SLC18A1: variants seen among roughly 807,000 people sequenced by gnomAD.
The protein encoded by SLC18A1 is solute carrier family 18 member A1, also known as chromaffin granule amine transporter.
SLC18A1 carries 69 observed loss-of-function variants against 53.7 expected under a neutral mutation model. The ratio of observed to expected loss-of-function variants is 1.28; its 90% CI spans 1.06 to 1.57. The LOEUF (loss-of-function observed/expected upper bound fraction) is 1.57, where lower values mean the gene tolerates loss of function less well. SLC18A1 is among the 40% of genes most tolerant of loss of function. The pLI is 0.00. For synonymous variants in SLC18A1, 320 were observed against 248.1 expected, an observed-to-expected ratio of 1.29 and a Z score of -2.72; for missense variants, 932 against 668.1, an observed-to-expected ratio of 1.40 and a Z score of -4.35.
intron 4 of SLC18A1, among the ~76,000 whole-genome samples, chr8:20,177,290 A>G (rs949568302): frequency 9.2e-5 from 14 of 152,208 alleles, no homozygotes; most frequent in Non-Finnish European, 1.8e-4. Context: ...AATGCAACAA[A>G]TTCTTGTTAA....
chr8:20,173,176 C>G (rs1233869705), intron 5 of SLC18A1, 48 bp from the exon 6 acceptor site: 1 of 1,426,698 alleles, frequency 7.0e-7, no homozygotes, highest in African/African-American at 1.4e-5. Flanking sequence ...GGGCTTCTAT[C>G]CGCCTCTCAG....
In SLC18A1 at chr8:20,181,087, A is replaced by T. The variant is rs1158686044; in HGVS notation, c.-123T>A. On this transcript the variant is annotated splice_region_variant and 5_prime_UTR_variant, in exon 2 of 16. It removes the in-frame stop codon of an upstream open reading frame in the 5' UTR. Transcript: ENST00000276373. ...GAGTCTGCCCAGACGAAGGAAACTC[A>T]CTATTAAAACGAAAAGTGCAAAGGG... is the stretch of plus-strand genomic sequence containing the variant. The T allele has an allele frequency of 5.8e-6, 7 of 1,200,444 alleles. 1 individual carries two copies. In the South Asian group the frequency reaches 1.1e-4, roughly 19 times the overall value. The allele number at this position is 1,200,444 out of a possible 1,614,324, so 74.4% of individuals were successfully genotyped here.
chr8:20,158,277 C>T (rs1229968404), intron 10 of SLC18A1, among the ~76,000 whole-genome samples: 3 of 152,230 alleles, frequency 2.0e-5, no homozygotes, highest in South Asian at 2.1e-4. Context: ...TCACTAGATA[C>T]TTCTCCCAGC....
intron 10 of SLC18A1, among the ~76,000 whole-genome samples, chr8:20,164,442 C>G (rs1057456099): frequency 1.6e-4 from 24 of 152,092 alleles, no homozygotes; most frequent in Non-Finnish European, 5.9e-5. Flanking sequence ...GTACAGGGTA[C>G]AAAGCATTTT....
chr8:20,151,949 A>AT, intron 10 of SLC18A1, among the ~76,000 whole-genome samples: 1 of 152,342 alleles, frequency 6.6e-6, no homozygotes, highest in Non-Finnish European at 1.5e-5. Flanking sequence ...TGAACAAGTA[A>AT]ACAAATACAC....
intron 10 of SLC18A1, among the ~76,000 whole-genome samples, chr8:20,162,392 C>A (rs1276789789): frequency 6.6e-6 from 1 of 152,206 alleles, no homozygotes; most frequent in Admixed American, 6.5e-5. Flanking sequence ...GATGCCTTTT[C>A]TTTCTTTCCA....
Position 20,173,050 on chromosome 8 carries a change from G to T in SLC18A1, c.710C>A (p.Ala237Asp). ...GTGCCACTTACCCAGCAACCCCAAG[G>T]CCAGGCCCCCCAGAGCAGTTCCCAT... is the stretch of plus-strand genomic sequence containing the variant. Reference protein sequence around the residue: ...RAMGTALGGLALGLLVGAPFG... With the variant: ...RAMGTALGGLDLGLLVGAPFG... The change falls in exon 6 of 16, where the codon GCC (alanine) becomes GAC (aspartate). Residue 237 changes from alanine to aspartate, a missense_variant. By Grantham distance (126) the Ala-to-Asp change is moderately radical (BLOSUM62 -2). Transcript: ENST00000276373. 6.3e-7 allele frequency: 1 copy of T among 1,588,874 alleles called. No homozygotes were observed. Among genetic ancestry groups the T allele is most frequent in the Non-Finnish European group, 8.6e-7 (1 of 1,167,998 alleles).
At chr8:20,156,186 G>A (rs147409762) in intron 10 of SLC18A1, among the ~76,000 whole-genome samples, 15 of 151,602 alleles carry the variant, frequency 9.9e-5, no homozygotes, top group African/African-American at 3.6e-4. Flanking sequence ...CTAACAGAAG[G>A]AAGTAGAAAA....
At chr8:20,170,205 C>T (rs1041053003) in intron 8 of SLC18A1, among the ~76,000 whole-genome samples, 25 of 151,806 alleles carry the variant, frequency 1.6e-4, no homozygotes, top group Non-Finnish European at 3.5e-4. Context: ...GCGGGAGGCT[C>T]CTAGTTGCTC....
chr8:20,151,366 T>C (rs933362024), intron 10 of SLC18A1, among the ~76,000 whole-genome samples: 1 of 152,070 alleles, frequency 6.6e-6, no homozygotes, highest in African/African-American at 2.4e-5. Context: ...TTCTCATGTA[T>C]AAAATACCCT....
intron 12 of SLC18A1, chr8:20,148,585 G>T: frequency 3.0e-6 from 2 of 672,200 alleles, no homozygotes; most frequent in Non-Finnish European, 4.7e-6. Flanking sequence ...GGGGCAGGTG[G>T]TGTGGCTTGG....
intron 10 of SLC18A1, among the ~76,000 whole-genome samples, chr8:20,159,183 C>T (rs1259230171): frequency 2.0e-5 from 3 of 152,092 alleles, no homozygotes; most frequent in African/African-American, 7.2e-5. Context: ...TCGAAAGCAC[C>T]CCTCTCAAGG....
Position 20,164,879 on chromosome 8 carries a change from C to G in SLC18A1, c.1005G>C (p.Lys335Asn). The stretch of plus-strand genomic sequence containing the variant: ...GCTGAGGTCACTTACCCAGCTGCCA[C>G]TTGGGGGAGCACATGGTCTGCATCA... ...IWMMQTMCSP[K>N]WQLGLAFLPA... The change falls in exon 10 of 16, where the codon AAG becomes AAC. Residue 335 changes from lysine (K) to asparagine (N), a missense_variant. Lys to Asn is a moderately conservative substitution (Grantham distance 94). Transcript: ENST00000276373. 6.2e-7 allele frequency: 1 copy of G among 1,609,674 alleles called. No individual in the cohort carries two copies. The highest frequency in any genetic ancestry group is 1.7e-4 in the Middle Eastern group (1 of 6,038).
At chr8:20,171,277 C>A in intron 7 of SLC18A1, 128 bp downstream of exon 7, 1 of 1,303,100 alleles carries the variant, frequency 7.7e-7, no homozygotes, top group Non-Finnish European at 1.1e-6. Context: ...TTTTCTACAA[C>A]GGGGCAGTCC....
In SLC18A1 at chr8:20,173,752, G is replaced by A. The variant is rs544463845; in HGVS notation, c.631+609C>T. Among the ~76,000 whole-genome samples the A allele has an allele frequency of 4.6e-5, 7 of 152,288 alleles. No individual in the cohort carries two copies. The South Asian group carries it at 1.5e-3, about 32-fold the overall frequency. On this transcript the variant is annotated intron_variant, in intron 5 of 15. Transcript: ENST00000276373. The stretch of plus-strand genomic sequence containing the variant: ...GGGGACAGAAAAAGGACCATAGAGT[G>A]GCACTAAATGAAAGCCTGCCCTTCT...
intron 8 of SLC18A1, among the ~76,000 whole-genome samples, chr8:20,167,236 A>G (rs1278307663): frequency 1.3e-5 from 2 of 152,188 alleles, no homozygotes; most frequent in Non-Finnish European, 2.9e-5. Flanking sequence ...AAGTACGGTA[A>G]TTTCTAGATA....
chr8:20,166,188 C>T (rs2128875006), intron 8 of SLC18A1, among the ~76,000 whole-genome samples: 1 of 150,232 alleles, frequency 6.7e-6, no homozygotes, highest in Non-Finnish European at 1.5e-5. Flanking sequence ...CTATTTATAA[C>T]TATAAAATAC....
chr8:20,145,854 G>T lies in SLC18A1; in HGVS notation c.1487C>A (p.Pro496His). ...GGTTGCATACATCCGGGTCTCCATG[G>T]GGCAGTCCTGACTCAGAATAGCCTG... ...EKLAILSQDC[P>H]METRMYATQK... The change falls in exon 16 of 16, where the codon CCC becomes CAC. Residue 496 changes from proline (P) to histidine (H), a missense_variant. By Grantham distance (77) the Pro-to-His change is moderately conservative (BLOSUM62 -2). Transcript: ENST00000276373. 1 of 1,609,818 alleles carries T rather than the reference G, an allele frequency of 6.2e-7. No homozygotes were observed. Among genetic ancestry groups the T allele is most frequent in the Non-Finnish European group, 8.5e-7 (1 of 1,177,868 alleles).
chr8:20,173,234 A>T (rs545191129), intron 5 of SLC18A1, 106 bp from the exon 6 acceptor site: 1 of 811,684 alleles, frequency 1.2e-6, no homozygotes, highest in African/African-American at 1.7e-5. Context: ...TCTTAGCTAG[A>T]GTTTCAGTTT....
Sources: gnomAD v4.1 joint callset for allele counts (sites outside exome capture counted in the v4.1 genomes callset) on GRCh38, gnomAD v4.1.1 for gene constraint, MANE v1.5 for transcripts, NCBI Gene and HGNC (gene_info 2026-07-23, HGNC 2026-07-21) for gene names.